Variants in CDH18 observed in about 807,000 individuals in gnomAD.
The protein encoded by CDH18 is cadherin-18.
Under a neutral mutation model 67.9 loss-of-function variants are expected in CDH18, and 31 were observed. The observed-to-expected ratio is 0.46, with a 90% CI of 0.34 to 0.62. CDH18 has a LOEUF of 0.62. Among genes scored for constraint, CDH18 ranks in the 20% least tolerant of loss-of-function variants. The pLI, the probability that CDH18 is intolerant of heterozygous loss-of-function variation, is 0.01. For missense variants in CDH18, 890 were observed against 975.5 expected, an observed-to-expected ratio of 0.91 and a Z score of 1.17; for synonymous variants, 362 against 347.2, an observed-to-expected ratio of 1.04 and a Z score of -0.48.
chr5:20,249,541 C>T (rs1041951801), intron 2 of CDH18, among the ~76,000 whole-genome samples: 2 of 151,984 alleles, frequency 1.3e-5, no homozygotes, highest in African/African-American at 4.8e-5. Context: ...CGCCACTGCG[C>T]CCACCTAATT....
At chr5:20,295,740 T>A (rs1461549380) in intron 1 of CDH18, among the ~76,000 whole-genome samples, 1 of 151,720 alleles carries the variant, frequency 6.6e-6, no homozygotes, top group African/African-American at 2.4e-5. Context: ...AAAAAAAAAA[T>A]TCTAAGAAAG....
At chr5:20,046,912 G>A (rs942812018) in intron 2 of CDH18, among the ~76,000 whole-genome samples, 6 of 151,848 alleles carry the variant, frequency 4.0e-5, no homozygotes, top group South Asian at 2.1e-4. Flanking sequence ...AAATTTTGCC[G>A]TAAGGCGAGA....
intron 1 of CDH18, among the ~76,000 whole-genome samples, chr5:20,292,913 C>A (rs1399943470): frequency 6.6e-6 from 1 of 152,110 alleles, no homozygotes; most frequent in Non-Finnish European, 1.5e-5. Context: ...ACTGCAGATA[C>A]CTTATTTCCA....
intron 2 of CDH18, among the ~76,000 whole-genome samples, chr5:19,939,113 AAT>A (rs1794577188): frequency 6.6e-6 from 1 of 151,404 alleles, no homozygotes; most frequent in Non-Finnish European, 1.5e-5. Context: ...TTTCAGATAT[AAT>A]ATGTTATTTA....
At chr5:20,194,136 G>T (rs994768496) in intron 2 of CDH18, among the ~76,000 whole-genome samples, 2 of 151,938 alleles carry the variant, frequency 1.3e-5, no homozygotes, top group Non-Finnish European at 2.9e-5. Context: ...TTAAGAGAAA[G>T]AAATAAAGGG....
rs144346932 is a variant in CDH18 at position 19,819,877 on chromosome 5, C to T, written c.228+18882G>A. ...AAACCCCTTTTTAGCTGGCCCCTCC[C>T]GAGGTCCCTGCCTGGCCACTCCCAT... On this transcript the variant is annotated intron_variant, in intron 3 of 12. Coordinates refer to ENST00000382275, the MANE Select transcript of CDH18 (RefSeq NM_004934.5). Among the ~76,000 whole-genome samples the T allele has an allele frequency of 5.4e-3, 821 of 152,198 alleles. 2 individuals are homozygous for T. The highest frequency in any genetic ancestry group is 0.012 in the South Asian group (56 of 4,820).
chr5:19,953,859 G>A (rs1332278431), intron 2 of CDH18, among the ~76,000 whole-genome samples: 1 of 151,884 alleles, frequency 6.6e-6, no homozygotes, highest in Admixed American at 6.6e-5. Context: ...ATCTGTATGG[G>A]GAGGGGAGTT....
At chr5:20,068,334 C>A (rs961189832) in intron 2 of CDH18, among the ~76,000 whole-genome samples, 1 of 152,002 alleles carries the variant, frequency 6.6e-6, no homozygotes, top group African/African-American at 2.4e-5. Flanking sequence ...AAATAAAGAA[C>A]AGAAACAATA....
At chr5:20,493,356 T>TAAAAAAAAA (rs148292031) in intron 1 of CDH18, among the ~76,000 whole-genome samples, 636 of 47,186 alleles carry the variant, frequency 0.013, 26 homozygotes, top group East Asian at 0.015. Context: ...TTCAGAAAAT[T>TAAAAAAAAA]AAAAAAAAAA....
At chr5:20,369,997 G>A (rs1000228965) in intron 1 of CDH18, among the ~76,000 whole-genome samples, 2 of 152,064 alleles carry the variant, frequency 1.3e-5, no homozygotes, top group Non-Finnish European at 2.9e-5. Flanking sequence ...GCGTCAATTA[G>A]CTATTCTTCC....
intron 2 of CDH18, among the ~76,000 whole-genome samples, chr5:19,959,010 C>T (rs1280484899): frequency 2.6e-5 from 4 of 151,944 alleles, no homozygotes; most frequent in African/African-American, 9.7e-5. Flanking sequence ...TGTACCTGGT[C>T]TTTCTGTTAT....
chr5:20,458,926 A>G (rs1339788710), intron 1 of CDH18, among the ~76,000 whole-genome samples: 1 of 152,164 alleles, frequency 6.6e-6, no homozygotes, highest in African/African-American at 2.4e-5. Context: ...GTACGTGTGT[A>G]TATTAACACC....
intron 1 of CDH18, among the ~76,000 whole-genome samples, chr5:20,273,362 C>T (rs1036545539): frequency 3.0e-4 from 45 of 151,456 alleles, no homozygotes; most frequent in African/African-American, 1.0e-3. Flanking sequence ...AGATTAAGGT[C>T]GACTGGAGTA....
At chr5:20,063,787 C>T (rs897547103) in intron 2 of CDH18, among the ~76,000 whole-genome samples, 4 of 152,086 alleles carry the variant, frequency 2.6e-5, no homozygotes, top group African/African-American at 9.7e-5. Context: ...TATAAATGTA[C>T]CAACCTTATA....
chr5:20,132,210 G>C (rs1488675009), intron 2 of CDH18, among the ~76,000 whole-genome samples: 1 of 152,038 alleles, frequency 6.6e-6, no homozygotes, highest in Non-Finnish European at 1.5e-5. Flanking sequence ...CTTGATGTCA[G>C]GTAACAGAAT....
At position 19,625,613 on chromosome 5, in the gene CDH18, G is replaced by A. The variant is rs542700714; in HGVS notation, c.644-13012C>T. Among the ~76,000 whole-genome samples the A allele has an allele frequency of 2.6e-5, 4 of 152,200 alleles. No homozygotes were observed. In the East Asian group the frequency reaches 5.8e-4, roughly 22 times the overall value. On this transcript the variant is annotated intron_variant, in intron 5 of 12. Coordinates refer to ENST00000382275, the MANE Select transcript of CDH18 (RefSeq NM_004934.5). ...TATCATTGGCTGTTTTCCTACTCAC[G>A]TGGACTTTTCCCCATATGTTCAAAT... is the stretch of plus-strand genomic sequence containing the variant.
At chr5:20,081,358 C>G (rs148451780) in intron 2 of CDH18, among the ~76,000 whole-genome samples, 14 of 152,228 alleles carry the variant, frequency 9.2e-5, no homozygotes, top group African/African-American at 3.1e-4. Context: ...TCATACACTG[C>G]TACTAGGAGA....
chr5:20,099,907 C>A (rs1302975864), intron 2 of CDH18, among the ~76,000 whole-genome samples: 5 of 152,088 alleles, frequency 3.3e-5, no homozygotes, highest in Admixed American at 2.0e-4. Flanking sequence ...CCTCTGCCTC[C>A]CAAGTAGCTG....
chr5:20,220,595 T>G (rs1272361751), intron 2 of CDH18, among the ~76,000 whole-genome samples: 2 of 151,858 alleles, frequency 1.3e-5, no homozygotes, highest in Non-Finnish European at 1.5e-5. Context: ...CTCCACGAGC[T>G]CAGTCAATCA....
Sources: allele counts gnomAD v4.1 joint callset (sites outside exome capture counted in the v4.1 genomes callset), GRCh38; gene constraint gnomAD v4.1.1; transcripts MANE v1.5; gene names NCBI Gene and HGNC (gene_info 2026-07-23, HGNC 2026-07-21).